Variants in INPP4B observed in about 807,000 individuals in gnomAD.
INPP4B encodes inositol polyphosphate-4-phosphatase type II B.
INPP4B carries 55 observed loss-of-function variants against 122.5 expected under a neutral mutation model. The ratio of observed to expected loss-of-function variants is 0.45; its 90% CI spans 0.36 to 0.56. The LOEUF (loss-of-function observed/expected upper bound fraction) is 0.56, where lower values mean the gene tolerates loss of function less well. Ranked by LOEUF, INPP4B falls within the 20% of genes least tolerant of loss-of-function variation. The pLI, the probability that INPP4B is intolerant of heterozygous loss-of-function variation, is 0.00. For synonymous variants in INPP4B, 403 were observed against 388.7 expected, an observed-to-expected ratio of 1.04 and a Z score of -0.43; for missense variants, 1,000 against 1,097.7, an observed-to-expected ratio of 0.91 and a Z score of 1.26.
intron 2 of INPP4B, among the ~76,000 whole-genome samples, chr4:142,653,000 A>C (rs1753335477): frequency 6.6e-6 from 1 of 152,232 alleles, no homozygotes; most frequent in African/African-American, 2.4e-5. Context: ...TAACCAAAAC[A>C]GCATGGTACT....
intron 2 of INPP4B, among the ~76,000 whole-genome samples, chr4:142,720,261 C>CTA (rs1350923107): frequency 6.6e-6 from 1 of 152,162 alleles, no homozygotes; most frequent in Non-Finnish European, 1.5e-5. Flanking sequence ...TAAGTACCTA[C>CTA]TATTCTCAGG....
chr4:142,232,259 G>GT (rs796417370), intron 12 of INPP4B, among the ~76,000 whole-genome samples: 11 of 152,170 alleles, frequency 7.2e-5, no homozygotes, highest in African/African-American at 2.4e-4. Flanking sequence ...CAGATACTGT[G>GT]TTTTTTTGTT....
chr4:142,327,960 C>A (rs1293529828), intron 7 of INPP4B, among the ~76,000 whole-genome samples: 1 of 152,132 alleles, frequency 6.6e-6, no homozygotes, highest in Non-Finnish European at 1.5e-5. Flanking sequence ...GGGCTGAAGT[C>A]ACAGCAAAAG....
At chr4:142,343,821 A>G (rs1779439117) in intron 7 of INPP4B, among the ~76,000 whole-genome samples, 1 of 152,056 alleles carries the variant, frequency 6.6e-6, no homozygotes, top group South Asian at 2.1e-4. Context: ...AAATAGAAAA[A>G]CCATTTTTTA....
chr4:142,273,171 G>A (rs2150612921), intron 9 of INPP4B, among the ~76,000 whole-genome samples: 1 of 151,978 alleles, frequency 6.6e-6, no homozygotes, highest in South Asian at 2.1e-4. Context: ...ATTAAATTAT[G>A]GGAGATAATT....
At chr4:142,569,137 GTCTC>G (rs1732269108) in intron 2 of INPP4B, among the ~76,000 whole-genome samples, 1 of 152,052 alleles carries the variant, frequency 6.6e-6, no homozygotes, top group Non-Finnish European at 1.5e-5. Flanking sequence ...TACACAGTCT[GTCTC>G]TCTGCCTTAC....
chr4:142,378,930 A>T (rs1446511898), intron 7 of INPP4B, among the ~76,000 whole-genome samples: 1 of 152,130 alleles, frequency 6.6e-6, no homozygotes, highest in Non-Finnish European at 1.5e-5. Context: ...ATGAAAAGCA[A>T]ATGTAGTAGT....
chr4:142,151,287 C>A (rs1229997597), intron 17 of INPP4B, among the ~76,000 whole-genome samples: 1 of 152,232 alleles, frequency 6.6e-6, no homozygotes, highest in South Asian at 2.1e-4. Flanking sequence ...TTCACACACA[C>A]ACACCACATA....
At chr4:142,587,761 A>G (rs923989968) in intron 2 of INPP4B, among the ~76,000 whole-genome samples, 17 of 152,064 alleles carry the variant, frequency 1.1e-4, no homozygotes, top group Admixed American at 2.6e-4. Flanking sequence ...TGTGCTATCA[A>G]ATATTAGATC....
intron 7 of INPP4B, among the ~76,000 whole-genome samples, chr4:142,360,608 G>C (rs569456498): frequency 6.6e-6 from 1 of 151,990 alleles, no homozygotes; most frequent in African/African-American, 2.4e-5. Context: ...TGAAGAATTT[G>C]GGTCATTTCA....
intron 7 of INPP4B, among the ~76,000 whole-genome samples, chr4:142,370,087 T>C (rs1039893479): frequency 1.3e-5 from 2 of 152,162 alleles, no homozygotes; most frequent in African/African-American, 4.8e-5. Context: ...GGAATGTACA[T>C]GCATACTCTC....
At chr4:142,641,965 T>C (rs1171020366) in intron 2 of INPP4B, among the ~76,000 whole-genome samples, 1 of 152,230 alleles carries the variant, frequency 6.6e-6, no homozygotes, top group Non-Finnish European at 1.5e-5. Flanking sequence ...CCATTCTAAC[T>C]GGTGTGAGAT....
At chr4:142,731,967 C>T (rs1311524771) in intron 1 of INPP4B, among the ~76,000 whole-genome samples, 2 of 152,004 alleles carry the variant, frequency 1.3e-5, no homozygotes, top group African/African-American at 4.8e-5. Context: ...GGACTTGGTC[C>T]CACCTAGTAC....
chr4:142,537,964 ACT>A (rs1345797448), intron 2 of INPP4B, among the ~76,000 whole-genome samples: 4 of 151,666 alleles, frequency 2.6e-5, no homozygotes, highest in African/African-American at 4.8e-5. Flanking sequence ...GGATGTAAAA[ACT>A]CTTTTTCAAG....
chr4:142,120,252 A>T (rs896865407), intron 21 of INPP4B, among the ~76,000 whole-genome samples: 1 of 152,096 alleles, frequency 6.6e-6, no homozygotes, highest in Non-Finnish European at 1.5e-5. Context: ...ATAGTTTTGT[A>T]GTAATTTGTG....
chr4:142,081,373 T>C (rs1441734489), intron 25 of INPP4B, among the ~76,000 whole-genome samples: 1 of 152,174 alleles, frequency 6.6e-6, no homozygotes, highest in African/African-American at 2.4e-5. Context: ...TTCCTTCCCA[T>C]TACGGCTTAC....
intron 18 of INPP4B, among the ~76,000 whole-genome samples, chr4:142,133,169 TA>T (rs1255184689): frequency 1.3e-5 from 2 of 152,234 alleles, no homozygotes; most frequent in African/African-American, 4.8e-5. Flanking sequence ...TCCTCAAGTA[TA>T]TATAATCTAT....
chr4:142,490,103 G>C (rs1230421736), intron 2 of INPP4B, among the ~76,000 whole-genome samples: 2 of 151,726 alleles, frequency 1.3e-5, no homozygotes, highest in Non-Finnish European at 2.9e-5. Context: ...GTTCAGACAG[G>C]GTCTTGCTCT....
At chr4:142,755,014 T>G (rs1173366092) in intron 1 of INPP4B, among the ~76,000 whole-genome samples, 1 of 151,992 alleles carries the variant, frequency 6.6e-6, no homozygotes, top group Non-Finnish European at 1.5e-5. Flanking sequence ...TTGTAAGGAT[T>G]AAATGAAACA....
Sources: gnomAD v4.1 joint callset for allele counts (sites outside exome capture counted in the v4.1 genomes callset) on GRCh38, gnomAD v4.1.1 for gene constraint, MANE v1.5 for transcripts, NCBI Gene and HGNC (gene_info 2026-07-23, HGNC 2026-07-21) for gene names.